The following TRIM51 variants were observed in gnomAD, a reference collection of about 807,000 sequenced individuals.
TRIM51 encodes tripartite motif-containing protein 51.
TRIM51 carries 23 observed loss-of-function variants against 32.7 expected under a neutral mutation model. The observed-to-expected ratio is 0.70, with a 90% CI of 0.51 to 1.00. TRIM51 has a LOEUF of 1.00. Among genes scored for constraint, TRIM51 ranks in the 50% least tolerant of loss-of-function variants. The probability of loss-of-function intolerance (pLI) is 0.00; values close to 1 mark genes in which losing one functional copy is unlikely to be tolerated. For synonymous variants in TRIM51, 177 were observed against 181.9 expected (o/e 0.97, Z 0.22); for missense variants, 592 against 539.2 (o/e 1.10, Z -0.97).
intron 6 of TRIM51, 37 bp downstream of exon 6, chr11:55,890,076 A>G (rs758297380): frequency 4.2e-6 from 6 of 1,435,642 alleles, no homozygotes; most frequent in Admixed American, 3.5e-5. Flanking sequence ...CCCACAGTCT[A>G]TTACTTCTTG....
At chr11:55,885,347 G>C (rs1854561624) in intron 1 of TRIM51, 78 bp from the exon 2 acceptor site, 3 of 1,427,402 alleles carry the variant, frequency 2.1e-6, no homozygotes, top group Non-Finnish European at 3.0e-6. Flanking sequence ...AGAAAATATA[G>C]CTATCACATA....
At chr11:55,887,471 A>G (rs1253112707) in intron 3 of TRIM51, among the ~76,000 whole-genome samples, 1 of 152,044 alleles carries the variant, frequency 6.6e-6, no homozygotes, top group African/African-American at 2.4e-5. Flanking sequence ...AGGTATAGAA[A>G]ACAGCATGTA....
intron 6 of TRIM51, among the ~76,000 whole-genome samples, chr11:55,890,719 A>G (rs542196845): frequency 7.9e-5 from 12 of 152,188 alleles, no homozygotes; most frequent in Non-Finnish European, 1.5e-4. Flanking sequence ...TTATCCAGTT[A>G]TCTAGAGCGG....
At chr11:55,886,007 A>G in intron 2 of TRIM51, 116 bp from the exon 3 acceptor site, 2 of 1,480,144 alleles carry the variant, frequency 1.4e-6, no homozygotes, top group South Asian at 1.3e-5. Flanking sequence ...GGAGAAACAA[A>G]GCAAACTCTC....
intron 5 of TRIM51, among the ~76,000 whole-genome samples, chr11:55,889,540 G>A (rs1283797010): frequency 2.0e-5 from 3 of 152,160 alleles, no homozygotes; most frequent in South Asian, 2.1e-4. Flanking sequence ...TCCCTGCCTG[G>A]AGCAAGTTTC....
chr11:55,890,854 T>C (rs1251246487), intron 6 of TRIM51, among the ~76,000 whole-genome samples: 1 of 152,190 alleles, frequency 6.6e-6, no homozygotes, highest in Non-Finnish European at 1.5e-5. Flanking sequence ...AAATAATTCA[T>C]TTTTACATTG....
At chr11:55,890,313 A>T (rs899833624) in intron 6 of TRIM51, among the ~76,000 whole-genome samples, 70 of 152,342 alleles carry the variant, frequency 4.6e-4, no homozygotes, top group African/African-American at 1.6e-3. Context: ...AATTGAATAA[A>T]TGGAAAAATG....
rs756583153 is a variant in TRIM51 at position 55,891,441 on chromosome 11, A to C, written c.1168A>C (p.Ser390Arg). 21 of 1,612,896 alleles carry C rather than the reference A, an allele frequency of 1.3e-5. No homozygotes were observed. The highest frequency in any genetic ancestry group is 1.7e-5 in the Non-Finnish European group (20 of 1,179,740). The stretch of plus-strand genomic sequence containing the variant: ...ATGTGTTAAGGAGGACACTCACTGC[A>C]GTCTCTTTACCACCTCCCCACTTGT... ...LGCVKEDTHCSLFTTSPLVVQ... is the reference protein window; with the variant it reads ...LGCVKEDTHCRLFTTSPLVVQ... Residue 390 changes from serine to arginine, a missense_variant, in exon 7 of 7, where the codon AGT becomes CGT. Transcript: ENST00000449290.
chr11:55,890,161 T>G (rs575879728), intron 6 of TRIM51, 122 bp downstream of exon 6: 15 of 644,364 alleles, frequency 2.3e-5, no homozygotes, highest in South Asian at 1.7e-4. Flanking sequence ...ACCATATGAC[T>G]ATGCAACCCT....
Position 55,888,033 on chromosome 11 carries a change from A to C in TRIM51, c.509A>C (p.Asp170Ala), listed in dbSNP as rs752608429. 8 of 1,576,848 alleles carry C rather than the reference A, an allele frequency of 5.1e-6. No homozygotes were observed. In the South Asian group the frequency reaches 7.7e-5, roughly 15 times the overall value. Residue 170 changes from aspartate (D) to alanine (A), a missense_variant and splice_region_variant, in exon 4 of 7, where the codon GAT (aspartate) becomes GCT (alanine). Coordinates refer to ENST00000449290, the MANE Select transcript of TRIM51 (RefSeq NM_032681.4). ...TATTTTGACTAATTGTCACTGCAGG[A>C]TTATGTGAGTTTAAGGATAGAAGCA... ...METTRTRCWK[D>A]YVSLRIEAIR...
rs772156629 is a variant in TRIM51 at position 55,888,237 on chromosome 11, A to G, written c.713A>G (p.His238Arg). Reference sequence around the variant, plus strand: ...TATGAGGATCTGAAGCAAATGTGCCATAAAGCAGATGTGGAGCTACTCCAG... The same window carrying G: ...TATGAGGATCTGAAGCAAATGTGCCGTAAAGCAGATGTGGAGCTACTCCAG... ...GMYEDLKQMCHKADVELLQAF... is the reference protein window; with the variant it reads ...GMYEDLKQMCRKADVELLQAF... The change falls in exon 4 of 7, where the codon CAT becomes CGT. Residue 238 changes from histidine (H) to arginine (R), a missense_variant. By Grantham distance (29) the His-to-Arg change is conservative. Transcript: ENST00000449290. 22 of 1,613,102 alleles carry G rather than the reference A, an allele frequency of 1.4e-5. 1 individual carries two copies. The highest frequency in any genetic ancestry group is 1.7e-6 in the Non-Finnish European group (2 of 1,179,352).
intron 2 of TRIM51, 76 bp from the exon 3 acceptor site, chr11:55,886,047 T>C: frequency 6.6e-7 from 1 of 1,507,010 alleles, no homozygotes. Context: ...TCTCTCATTT[T>C]GGGTCCTTCG....
chr11:55,883,733 G>T (rs950506821), intron 1 of TRIM51, among the ~76,000 whole-genome samples: 1 of 152,004 alleles, frequency 6.6e-6, no homozygotes, highest in Non-Finnish European at 1.5e-5. Flanking sequence ...ATTGAATACT[G>T]TAAATGTTGT....
chr11:55,888,989 A>C lies in TRIM51; in HGVS notation c.749A>C (p.Asp250Ala). 6.2e-7 allele frequency: 1 copy of C among 1,610,284 alleles called. No individual in the cohort carries two copies. Among genetic ancestry groups the C allele is most frequent in the Admixed American group, 1.7e-5 (1 of 59,580 alleles). The change falls in exon 5 of 7, where the codon GAC (aspartate) becomes GCC (alanine). Residue 250 changes from aspartate (D) to alanine (A), a missense_variant. Asp to Ala is a moderately radical substitution (Grantham distance 126, BLOSUM62 -2). Transcript: ENST00000449290. ...TTTTTTTTTTTACAGGCTTTTGGAGACATATTACACAGGTGAGTGCACACC... is the reference window on the plus strand; with the variant it reads ...TTTTTTTTTTTACAGGCTTTTGGAGCCATATTACACAGGTGAGTGCACACC... ...ADVELLQAFG[D>A]ILHRYESLLL...
chr11:55,888,919 C>T (rs1446620797), intron 4 of TRIM51, 60 bp from the exon 5 acceptor site: 1 of 1,480,778 alleles, frequency 6.8e-7, no homozygotes, highest in Non-Finnish European at 9.4e-7. Context: ...TCACTCTGAA[C>T]TTACTGGAAG....
At chr11:55,890,155 T>C (rs773029360) in intron 6 of TRIM51, 116 bp downstream of exon 6, 7 of 677,864 alleles carry the variant, frequency 1.0e-5, no homozygotes, top group African/African-American at 3.6e-5. Flanking sequence ...AAGTGAACCA[T>C]ATGACTATGC....
At position 55,889,932 on chromosome 11, in the gene TRIM51, C is replaced by T. The variant is rs1854626913; in HGVS notation, c.762-10C>T. The T allele has an allele frequency of 2.5e-5, 40 of 1,606,222 alleles. No homozygotes were observed. The highest frequency in any genetic ancestry group is 3.4e-5 in the Non-Finnish European group (40 of 1,173,916). On this transcript the variant is annotated splice_polypyrimidine_tract_variant and intron_variant, in intron 5 of 6. Transcript: ENST00000449290. ...CTGTAGATGTGATAACCCTATCTTT[C>T]CCCTTGCAGGTATGAGTCTCTGCTG...
chr11:55,887,077 G>A (rs1001099089), intron 3 of TRIM51, among the ~76,000 whole-genome samples: 1 of 152,000 alleles, frequency 6.6e-6, no homozygotes, highest in Non-Finnish European at 1.5e-5. Flanking sequence ...GTGTTAGAGT[G>A]TAGTAGTGTC....
rs780660292 is a variant in TRIM51 at position 55,891,190 on chromosome 11, T to G, written c.917T>G (p.Leu306Trp). ...ANSHIFLCGD[L>W]RSMNVGCDPQ... ...AGTCATATCTTCCTGTGTGGAGATT[T>G]GAGAAGCATGAATGTTGGATGTGAC... is the stretch of plus-strand genomic sequence containing the variant. The change falls in exon 7 of 7, where the codon TTG (leucine) becomes TGG (tryptophan). Residue 306 changes from leucine to tryptophan, a missense_variant. Leu to Trp is a moderately conservative substitution (Grantham distance 61). Transcript: ENST00000449290. 1.1e-4 allele frequency: 170 copies of G among 1,602,842 alleles called. No homozygotes were observed. Among genetic ancestry groups the G allele is most frequent in the Non-Finnish European group, 1.2e-4 (143 of 1,179,672 alleles).
Sources: gnomAD v4.1 joint callset for allele counts (sites outside exome capture counted in the v4.1 genomes callset) on GRCh38, gnomAD v4.1.1 for gene constraint, MANE v1.5 for transcripts, NCBI Gene and HGNC (gene_info 2026-07-23, HGNC 2026-07-21) for gene names.